The following FLT1 variants were observed in gnomAD, a reference collection of about 807,000 sequenced individuals.
FLT1 encodes vascular endothelial growth factor receptor 1.
In FLT1, 49 loss-of-function variants were observed where a neutral mutation model predicts 156.3. The observed-to-expected ratio is 0.31, with a 90% confidence interval of 0.25 to 0.40. The LOEUF is 0.40. Ranked by LOEUF, FLT1 falls within the 10% of genes least tolerant of loss-of-function variation. FLT1 has a pLI of 1.00. For synonymous variants in FLT1, 594 were observed against 583.8 expected (o/e 1.02, Z -0.25); for missense variants, 1,322 against 1,637.2 (o/e 0.81, Z 3.32).
intron 3 of FLT1, among the ~76,000 whole-genome samples, chr13:28,465,927 C>T (rs1879823156): frequency 6.6e-6 from 1 of 152,214 alleles, no homozygotes; most frequent in Non-Finnish European, 1.5e-5. Flanking sequence ...CAGTTCCTGA[C>T]CTCACCAGAA....
intron 10 of FLT1, among the ~76,000 whole-genome samples, chr13:28,422,247 C>T (rs1566018769): frequency 6.6e-6 from 1 of 152,192 alleles, no homozygotes; most frequent in Non-Finnish European, 1.5e-5. Flanking sequence ...CATATTTTGA[C>T]TAGTTATCAC....
At chr13:28,320,732 G>T (rs190127125) in intron 23 of FLT1, among the ~76,000 whole-genome samples, 34 of 152,224 alleles carry the variant, frequency 2.2e-4, no homozygotes, top group African/African-American at 7.2e-4. Flanking sequence ...AACTCTGGGG[G>T]GTGGAAGGCT....
chr13:28,413,424 A>C (rs918997988), intron 10 of FLT1, among the ~76,000 whole-genome samples: 7 of 137,886 alleles, frequency 5.1e-5, no homozygotes, highest in Non-Finnish European at 1.1e-4. Context: ...TCCTTCACAC[A>C]GTCTTTTCCA....
intron 3 of FLT1, among the ~76,000 whole-genome samples, chr13:28,461,319 A>G (rs1879565431): frequency 6.6e-6 from 1 of 152,228 alleles, no homozygotes; most frequent in South Asian, 2.1e-4. Context: ...AATTAAAACA[A>G]CAACTAGCTC....
chr13:28,468,558 A>G (rs73455458), intron 1 of FLT1, among the ~76,000 whole-genome samples: 22,002 of 152,142 alleles, frequency 0.14, 2,884 homozygotes, highest in African/African-American at 0.35. Context: ...CTGACCCTCC[A>G]ATTCTGATGG....
chr13:28,352,513 C>T (rs1359250591), intron 15 of FLT1, among the ~76,000 whole-genome samples: 2 of 152,162 alleles, frequency 1.3e-5, no homozygotes, highest in African/African-American at 4.8e-5. Context: ...AATTATTTTG[C>T]CTCAAGAACT....
chr13:28,430,788 A>C (rs1277106934), intron 7 of FLT1, among the ~76,000 whole-genome samples: 3 of 152,222 alleles, frequency 2.0e-5, no homozygotes, highest in Non-Finnish European at 4.4e-5. Flanking sequence ...AATTCATGGT[A>C]GTACCTGAGA....
chr13:28,418,442 G>A (rs573402934), intron 10 of FLT1, among the ~76,000 whole-genome samples: 41 of 152,256 alleles, frequency 2.7e-4, no homozygotes, highest in Non-Finnish European at 4.0e-4. Context: ...TTAGGCAGGC[G>A]CCCTCCCAAA....
chr13:28,409,546 G>T (rs1281086747), intron 10 of FLT1, among the ~76,000 whole-genome samples: 1 of 151,942 alleles, frequency 6.6e-6, no homozygotes, highest in East Asian at 1.9e-4. Flanking sequence ...TGTTGCCCAG[G>T]CTGGTCTCGA....
chr13:28,384,505 G>A (rs530375539), intron 14 of FLT1, among the ~76,000 whole-genome samples: 3 of 150,462 alleles, frequency 2.0e-5, no homozygotes, highest in African/African-American at 7.3e-5. Context: ...CTACTTTTCT[G>A]AACTTCACAT....
chr13:28,466,999 G>C lies in FLT1; in HGVS notation c.292C>G (p.Gln98Glu). The C allele has an allele frequency of 6.2e-7, 1 of 1,614,124 alleles. No individual in the cohort carries two copies. The highest frequency in any genetic ancestry group is 2.2e-5 in the East Asian group (1 of 44,886). Residue 98 changes from glutamine (Q) to glutamate (E), a missense_variant, in exon 3 of 30, where the codon CAA (glutamine) becomes GAA (glutamate). By Grantham distance (29) the Gln-to-Glu change is conservative. Transcript: ENST00000282397. ...CTGTAGAAGCCAGTGTGGTTTGCTTGAGCTGTGTTCAAGGTTAAAGTACTG... is the reference window on the plus strand; with the variant it reads ...CTGTAGAAGCCAGTGTGGTTTGCTTCAGCTGTGTTCAAGGTTAAAGTACTG... ...FCSTLTLNTA[Q>E]ANHTGFYSCK...
Position 28,301,715 on chromosome 13 carries a change from C to T in FLT1, c.*1452G>A, listed in dbSNP as rs1870524534. ...ACAGAGCCAGCTTAGCGATCCAAGG[C>T]CCACTTGATCTTTAGACCCTGAAGA... is the stretch of plus-strand genomic sequence containing the variant. On this transcript the variant is annotated 3_prime_UTR_variant, in exon 30 of 30. Coordinates refer to ENST00000282397, the MANE Select transcript of FLT1 (RefSeq NM_002019.4). The T allele has an allele frequency of 4.3e-6, 1 of 233,192 alleles. No individual in the cohort carries two copies. The highest frequency in any genetic ancestry group is 2.2e-5 in the African/African-American group (1 of 45,308). The allele number at this position is 233,192 out of a possible 1,614,324, so 14.4% of individuals were successfully genotyped here.
rs1881689592 is a variant in FLT1 at position 28,495,014 on chromosome 13, G to A, written c.-171C>T. On this transcript the variant is annotated 5_prime_UTR_variant, in exon 1 of 30. Coordinates refer to ENST00000282397, the MANE Select transcript of FLT1 (RefSeq NM_002019.4). This position sits in a 1 kb window ranked among gnomAD's most constrained non-coding sequence, Gnocchi z 4.1. ...CCCCGGGTAATCCTCGCCGCCAGGC[G>A]CCCGCTGGCCGCTGCACCCGAGCCC... is the stretch of plus-strand genomic sequence containing the variant. 7.8e-6 allele frequency: 4 copies of A among 511,570 alleles called. No individual in the cohort carries two copies. Among genetic ancestry groups the A allele is most frequent in the East Asian group, 3.5e-5 (1 of 28,342 alleles). The allele number at this position is 511,570 out of a possible 1,614,324, so 31.7% of individuals were successfully genotyped here.
chr13:28,427,977 T>A, intron 8 of FLT1, 56 bp from the exon 9 acceptor site: 1 of 1,455,758 alleles, frequency 6.9e-7, no homozygotes. Context: ...AATATCACTT[T>A]GATAACACGG....
At position 28,306,768 on chromosome 13, in the gene FLT1, TA is replaced by T; in HGVS notation, c.3724del (p.Tyr1242ThrfsTer14). 1 of 1,609,686 alleles carries T rather than the reference TA, an allele frequency of 6.2e-7. No individual in the cohort carries two copies. The highest frequency in any genetic ancestry group is 8.5e-7 in the Non-Finnish European group (1 of 1,176,108). On this transcript the variant is annotated frameshift_variant, in exon 29 of 30. Coordinates refer to ENST00000282397, the MANE Select transcript of FLT1 (RefSeq NM_002019.4). LOFTEE classifies it high-confidence loss of function. ...LPNATSMFDD[Y>X]QGDSSTLLAS... ...CAACAGAGTGCTGCTGTCGCCCTGG[TA>T]GTCCTAGGGGGAGAAGGAGAAAGGT...
intron 13 of FLT1, chr13:28,388,654 G>A (rs573216329): frequency 6.1e-5 from 64 of 1,055,134 alleles, no homozygotes; most frequent in African/African-American, 3.8e-4. Flanking sequence ...TAGTTTTGCC[G>A]CTTCTTAATC....
intron 10 of FLT1, among the ~76,000 whole-genome samples, chr13:28,417,591 CTATT>C (rs1269545084): frequency 6.6e-6 from 1 of 152,070 alleles, no homozygotes; most frequent in Non-Finnish European, 1.5e-5. Context: ...GATGAGATAA[CTATT>C]TATCTTTGAG....
At chr13:28,473,062 T>A (rs1368542504) in intron 1 of FLT1, among the ~76,000 whole-genome samples, 1 of 152,200 alleles carries the variant, frequency 6.6e-6, no homozygotes, top group Admixed American at 6.5e-5. Flanking sequence ...CACCACTTCA[T>A]GCCGACTGGG....
chr13:28,461,863 G>A (rs533181832), intron 3 of FLT1, among the ~76,000 whole-genome samples: 1 of 152,278 alleles, frequency 6.6e-6, no homozygotes, highest in East Asian at 1.9e-4. Context: ...CAAATCTCAT[G>A]AGTTTTATGC....
Sources: allele counts gnomAD v4.1 joint callset (sites outside exome capture counted in the v4.1 genomes callset), GRCh38; gene constraint gnomAD v4.1.1; non-coding constraint Gnocchi (gnomAD v3.1); transcripts MANE v1.5; gene names NCBI Gene and HGNC (gene_info 2026-07-23, HGNC 2026-07-21).